BGN: variants seen among roughly 807,000 people sequenced by gnomAD.
BGN encodes the protein bone/cartilage proteoglycan-I.
Under a neutral mutation model 20.0 loss-of-function variants are expected in BGN, and 6 were observed. The observed-to-expected ratio is 0.30, with a 90% CI of 0.16 to 0.59. The LOEUF (loss-of-function observed/expected upper bound fraction) is 0.59. Among genes scored for constraint, BGN ranks in the 20% least tolerant of loss-of-function variants. The probability of loss-of-function intolerance (pLI) is 0.88; values close to 1 mark genes in which losing one functional copy is unlikely to be tolerated. For missense variants in BGN, 292 were observed against 312.1 expected (o/e 0.94, Z 0.49); for synonymous variants, 146 against 134.6 (o/e 1.08, Z -0.59).
At position 153,508,306 on chromosome X, in the gene BGN, T is replaced by C. The variant is rs781848861; in HGVS notation, c.968T>C (p.Met323Thr). The C allele has an allele frequency of 5.8e-6, 7 of 1,210,959 alleles. No individual in the cohort carries two copies. Among genetic ancestry groups the C allele is most frequent in the South Asian group, 5.3e-5 (3 of 56,924 alleles). The change falls in exon 8 of 8, where the codon ATG becomes ACG. Residue 323 changes from methionine (M) to threonine (T), a missense_variant. By Grantham distance (81) the Met-to-Thr change is moderately conservative. Transcript: ENST00000331595. ...GTGGGTGTCAACGACTTCTGTCCCA[T>C]GGGCTTCGGGGTGAAGCGGGCCTAC... ...TKVGVNDFCPMGFGVKRAYYN... is the reference protein window; with the variant it reads ...TKVGVNDFCPTGFGVKRAYYN...
At chrX:153,505,808 G>T in intron 3 of BGN, 55 bp from the exon 4 acceptor site, 1 of 1,042,867 alleles carries the variant, frequency 9.6e-7, no homozygotes, top group Non-Finnish European at 1.3e-6. Flanking sequence ...CAGGAGAGAG[G>T]GGCGGGTGGG....
rs781871609 is a variant in BGN at position 153,506,521 on chromosome X, T to C, written c.566-8T>C. 7.4e-5 allele frequency: 89 copies of C among 1,205,562 alleles called. No individual in the cohort carries two copies. Among genetic ancestry groups the C allele is most frequent in the Non-Finnish European group, 9.5e-5 (85 of 892,060 alleles). ...CAGGCTCCCGGGCTAATGAGGTCTC[T>C]CCCCTAGAGATGGGCGGGAACCCAC... On this transcript the variant is annotated splice_region_variant and splice_polypyrimidine_tract_variant and intron_variant, in intron 4 of 7. Transcript: ENST00000331595.
rs189096156 is a variant in BGN, at chrX:153,501,595, T to G, written c.-11-3026T>G. 8.0e-5 allele frequency among the ~76,000 whole-genome samples: 9 copies of G among 112,917 alleles called. No individual in the cohort carries two copies. The East Asian group carries it at 2.5e-3, about 32-fold the overall frequency. On this transcript the variant is annotated intron_variant, in intron 1 of 7. Coordinates refer to ENST00000331595, the MANE Select transcript of BGN (RefSeq NM_001711.6). ...GCTCCCCTGGCTCCCTCTGACTTCA[T>G]GGGCCCCTTGCTGCCTCCTGTGGGC...
chrX:153,497,155 G>A (rs1394476829), intron 1 of BGN, among the ~76,000 whole-genome samples: 2 of 99,633 alleles, frequency 2.0e-5, no homozygotes, highest in South Asian at 5.3e-4. Context: ...TGCCCACCAC[G>A]ACCCCCTCCC....
intron 1 of BGN, among the ~76,000 whole-genome samples, chrX:153,501,437 G>A (rs1175023289): frequency 2.7e-5 from 3 of 112,874 alleles, no homozygotes; most frequent in South Asian, 3.6e-4. Context: ...GCCTGGAGGC[G>A]CCAAAGCTGA....
At chrX:153,500,120 C>T (rs968630908) in intron 1 of BGN, among the ~76,000 whole-genome samples, 1 of 113,104 alleles carries the variant, frequency 8.8e-6, no homozygotes, top group Non-Finnish European at 1.9e-5. Flanking sequence ...ATGCCTGGCA[C>T]GGACCCTCCA....
chrX:153,500,798 TATGTGTGC>T (rs1322080990), intron 1 of BGN, among the ~76,000 whole-genome samples: 122 of 111,590 alleles, frequency 1.1e-3, no homozygotes, highest in African/African-American at 2.7e-3. Flanking sequence ...TGCATGTGTG[TATGTGTGC>T]ATGTGTGCAT....
intron 4 of BGN, 146 bp from the exon 5 acceptor site, chrX:153,506,383 A>G: frequency 3.6e-6 from 2 of 551,570 alleles, no homozygotes. Flanking sequence ...GGAGTTTGCA[A>G]TTAGCCCGGT....
intron 7 of BGN, among the ~76,000 whole-genome samples, 160 bp downstream of exon 7, chrX:153,507,345 G>T (rs1556993491): frequency 1.8e-5 from 2 of 112,747 alleles, no homozygotes. Flanking sequence ...TGAGGAGGCA[G>T]GGAGCAGGGG....
chrX:153,508,652 C>G lies in BGN; in HGVS notation c.*207C>G. On this transcript the variant is annotated 3_prime_UTR_variant, in exon 8 of 8. Transcript: ENST00000331595. ...GTGCAGGTGGGCGCAAGGCCCGGCC[C>G]CCATCACATGTTCCCTTGGCCTCAG... The G allele has an allele frequency of 6.4e-6, 3 of 469,958 alleles. No homozygotes were observed. Among genetic ancestry groups the G allele is most frequent in the African/African-American group, 2.4e-5 (1 of 41,692 alleles). The allele number at this position is 469,958 out of a possible 1,213,427, so 38.7% of individuals were successfully genotyped here.
intron 2 of BGN, 76 bp downstream of exon 2, chrX:153,504,945 C>T: frequency 1.0e-6 from 1 of 970,740 alleles, no homozygotes; most frequent in South Asian, 2.2e-5. Context: ...CTGAAGGGGA[C>T]ACATGCTGGT....
chrX:153,499,014 GGACA>G (rs2089737922), intron 1 of BGN, among the ~76,000 whole-genome samples: 1 of 112,437 alleles, frequency 8.9e-6, no homozygotes, highest in East Asian at 2.8e-4. Flanking sequence ...GGACACAGAC[GGACA>G]GACAGACAGT....
chrX:153,508,821 G>A lies in BGN; in HGVS notation c.*376G>A, dbSNP rs782008888. The A allele has an allele frequency of 1.3e-5, 3 of 239,358 alleles. No individual in the cohort carries two copies. The East Asian group carries it at 3.1e-4, about 25-fold the overall frequency. The allele number at this position is 239,358 out of a possible 1,213,427, so 19.7% of individuals were successfully genotyped here. A position where few individuals can be genotyped will look rare whatever the true frequency, so the allele number is the denominator to read the frequency against. ...CAGCCAGGAGGCGGTCCATAAGAAT[G>A]GGGACAGTGGGCTCTGCCAGGGCTG... On this transcript the variant is annotated 3_prime_UTR_variant, in exon 8 of 8. Coordinates refer to ENST00000331595, the MANE Select transcript of BGN (RefSeq NM_001711.6).
chrX:153,504,717 T>C lies in BGN; in HGVS notation c.86T>C (p.Leu29Pro), dbSNP rs2089785845. The C allele has an allele frequency of 6.6e-6, 8 of 1,210,610 alleles. No individual in the cohort carries two copies. Among genetic ancestry groups the C allele is most frequent in the Non-Finnish European group, 8.9e-6 (8 of 895,302 alleles). The change falls in exon 2 of 8, where the codon CTG becomes CCG. Residue 29 changes from leucine (L) to proline (P), a missense_variant. Physicochemically the swap from Leu to Pro is moderately conservative, Grantham distance 98. Transcript: ENST00000331595. ...CAGAGAGGCTTCTGGGACTTCACCC[T>C]GGACGATGGGCCATTCATGATGAAC... ...FEQRGFWDFTLDDGPFMMNDE... is the reference protein window; with the variant it reads ...FEQRGFWDFTPDDGPFMMNDE...
At chrX:153,497,225 C>A (rs1280246170) in intron 1 of BGN, among the ~76,000 whole-genome samples, 1 of 106,505 alleles carries the variant, frequency 9.4e-6, no homozygotes, top group Admixed American at 9.7e-5. Flanking sequence ...AGCATCCAGG[C>A]CCACCACCGA....
At position 153,506,864 on chromosome X, in the gene BGN, C is replaced by A. The variant is rs1556993304; in HGVS notation, c.711C>A (p.Asp237Glu). The A allele has an allele frequency of 1.7e-6, 2 of 1,211,923 alleles. No individual in the cohort carries two copies. The highest frequency in any genetic ancestry group is 4.3e-5 in the Admixed American group (2 of 46,113). ...AGACCCTGAATGAACTCCACCTAGACCACAACAAAATCCAGGCCATCGAAC... is the reference window on the plus strand; with the variant it reads ...AGACCCTGAATGAACTCCACCTAGAACACAACAAAATCCAGGCCATCGAAC... Reference protein sequence around the residue: ...LPETLNELHLDHNKIQAIELE... With the variant: ...LPETLNELHLEHNKIQAIELE... Residue 237 changes from aspartate to glutamate, a missense_variant, in exon 6 of 8, where the codon GAC (aspartate) becomes GAA (glutamate). By Grantham distance (45) the Asp-to-Glu change is conservative (BLOSUM62 2). Transcript: ENST00000331595.
chrX:153,500,789 G>A (rs1894365), intron 1 of BGN, among the ~76,000 whole-genome samples: 38,699 of 109,796 alleles, frequency 0.35, 5,738 homozygotes, highest in East Asian at 0.84. Flanking sequence ...GCATGTGTGT[G>A]CATGTGTGTA....
At chrX:153,498,457 C>G (rs1569532177) in intron 1 of BGN, among the ~76,000 whole-genome samples, 1 of 112,714 alleles carries the variant, frequency 8.9e-6, no homozygotes, top group East Asian at 2.8e-4. Flanking sequence ...TCCCATGGTT[C>G]TTGGAGGCTG....
At chrX:153,506,398 T>C (rs1014322401) in intron 4 of BGN, 131 bp from the exon 5 acceptor site, 8 of 598,274 alleles carry the variant, frequency 1.3e-5, no homozygotes, top group Non-Finnish European at 2.1e-5. Flanking sequence ...CCCGGTAAAT[T>C]AGCAGAACTG....
Sources: allele counts gnomAD v4.1 joint callset (sites outside exome capture counted in the v4.1 genomes callset), GRCh38; gene constraint gnomAD v4.1.1; transcripts MANE v1.5; gene names NCBI Gene and HGNC (gene_info 2026-07-23, HGNC 2026-07-21).